The following RAD51C variants were observed in gnomAD, a reference collection of about 807,000 sequenced individuals.
RAD51C encodes RAD51 paralog C.
RAD51C carries 42 observed loss-of-function variants against 45.0 expected under a neutral mutation model. The ratio of observed to expected loss-of-function variants is 0.93; its 90% confidence interval spans 0.73 to 1.21. The LOEUF is 1.21. Among genes scored for constraint, RAD51C ranks in the 50% most tolerant of loss-of-function variants. RAD51C has a pLI of 0.00. For missense variants in RAD51C, 474 were observed against 452.2 expected, an observed-to-expected ratio of 1.05 and a Z score of -0.44; for synonymous variants, 172 against 159.8, an observed-to-expected ratio of 1.08 and a Z score of -0.58.
At chr17:58,723,538 C>G (rs2143953728) in intron 6 of RAD51C, among the ~76,000 whole-genome samples, 1 of 151,826 alleles carries the variant, frequency 6.6e-6, no homozygotes, top group Non-Finnish European at 1.5e-5. Flanking sequence ...CTGTGTATCC[C>G]TAATAGTTGC....
chr17:58,699,030 G>A (rs1325742969), intron 3 of RAD51C, among the ~76,000 whole-genome samples: 1 of 151,770 alleles, frequency 6.6e-6, no homozygotes, highest in East Asian at 1.9e-4. Flanking sequence ...ATTTTAAGAT[G>A]GAGTTGCGCT....
rs186747234 is a variant in RAD51C at position 58,722,867 on chromosome 17, A to G, written c.905-1173A>G. On this transcript the variant is annotated intron_variant, in intron 6 of 8. Coordinates refer to ENST00000337432, the MANE Select transcript of RAD51C (RefSeq NM_058216.3). The stretch of plus-strand genomic sequence containing the variant: ...TGCTGTGTCTGTTCTTTGGTCTTCT[A>G]TTGCTGTGTCTCAGCTTTAGATTAT... Among the ~76,000 whole-genome samples the G allele has an allele frequency of 3.9e-5, 6 of 152,240 alleles. No homozygotes were observed. The East Asian group carries it at 9.6e-4, about 24-fold the overall frequency.
Position 58,734,362 on chromosome 17 carries a change from A to G in RAD51C, c.*140A>G. ...ATCATATGAAGTGAATGGGAAAAAT[A>G]CCTAAATATGATTCTGTGAAAGTTT... On this transcript the variant is annotated 3_prime_UTR_variant, in exon 9 of 9. Transcript: ENST00000337432. 1 of 1,405,844 alleles carries G rather than the reference A, an allele frequency of 7.1e-7. No homozygotes were observed. The highest frequency in any genetic ancestry group is 9.6e-7 in the Non-Finnish European group (1 of 1,042,088). The allele number at this position is 1,405,844 out of a possible 1,614,324, so 87.1% of individuals were successfully genotyped here.
intron 5 of RAD51C, among the ~76,000 whole-genome samples, chr17:58,720,012 G>A (rs929780906): frequency 1.3e-5 from 2 of 149,292 alleles, no homozygotes; most frequent in African/African-American, 2.5e-5. Flanking sequence ...TCCTGACCTC[G>A]TGATTCGCCC....
At chr17:58,718,691 T>G (rs1385643333) in intron 5 of RAD51C, among the ~76,000 whole-genome samples, 1 of 152,004 alleles carries the variant, frequency 6.6e-6, no homozygotes, top group Non-Finnish European at 1.5e-5. Flanking sequence ...TAATTTGGAG[T>G]CATTTGACCT....
At chr17:58,710,404 A>G (rs1051373531) in intron 5 of RAD51C, among the ~76,000 whole-genome samples, 1 of 147,068 alleles carries the variant, frequency 6.8e-6, no homozygotes, top group Non-Finnish European at 1.5e-5. Context: ...AGGCTGAGGT[A>G]GGAGAATCAC....
intron 4 of RAD51C, among the ~76,000 whole-genome samples, chr17:58,705,331 T>G (rs1411731580): frequency 6.7e-6 from 1 of 149,346 alleles, no homozygotes; most frequent in Non-Finnish European, 1.5e-5. Context: ...TCCCTGGTGT[T>G]TTTTCTTTTT....
At chr17:58,718,886 T>C (rs1400823054) in intron 5 of RAD51C, among the ~76,000 whole-genome samples, 1 of 152,156 alleles carries the variant, frequency 6.6e-6, no homozygotes, top group Non-Finnish European at 1.5e-5. Context: ...GGATTTCATA[T>C]TCCTTTCAAT....
At chr17:58,696,670 G>GT in intron 2 of RAD51C, 23 bp from the exon 3 acceptor site, 1 of 1,614,058 alleles carries the variant, frequency 6.2e-7, no homozygotes, top group Admixed American at 1.7e-5. Context: ...TGATTTGGTT[G>GT]TTTGTCATCT....
chr17:58,727,535 T>A (rs2049215500), intron 7 of RAD51C, among the ~76,000 whole-genome samples: 1 of 152,224 alleles, frequency 6.6e-6, no homozygotes, highest in South Asian at 2.1e-4. Flanking sequence ...TTACTCCTTT[T>A]TTTAGGTAAA....
intron 7 of RAD51C, among the ~76,000 whole-genome samples, chr17:58,730,709 AC>A (rs2049387083): frequency 6.6e-6 from 1 of 152,116 alleles, no homozygotes; most frequent in South Asian, 2.1e-4. Flanking sequence ...TAAGTAAATG[AC>A]CCTTATAACT....
chr17:58,696,731 T>C lies in RAD51C; in HGVS notation c.443T>C (p.Phe148Ser), dbSNP rs864622580. ...GTAGATGTGCAGATACCAGAATGTT[T>C]TGGAGGAGTGGCAGGTGAAGCAGTT... is the stretch of plus-strand genomic sequence containing the variant. The part of the protein sequence containing the change: ...LAVDVQIPEC[F>S]GGVAGEAVFI... Residue 148 changes from phenylalanine (F) to serine (S), a missense_variant, in exon 3 of 9, where the codon TTT becomes TCT. By Grantham distance (155) the Phe-to-Ser change is radical. Transcript: ENST00000337432. 6.2e-7 allele frequency: 1 copy of C among 1,614,186 alleles called. No individual in the cohort carries two copies.
chr17:58,709,810 ATTATT>A (rs1567799328), intron 4 of RAD51C, 44 bp from the exon 5 acceptor site: 12 of 1,519,542 alleles, frequency 7.9e-6, no homozygotes, highest in Non-Finnish European at 1.1e-5. Flanking sequence ...TTTTATTATT[ATTATT>A]TTATTTTTCG....
At position 58,730,331 on chromosome 17, in the gene RAD51C, A is replaced by ATT. The variant is rs374899142; in HGVS notation, c.966-2136_966-2135dup. Among the ~76,000 whole-genome samples, 406 of 135,042 alleles carry ATT rather than the reference A, an allele frequency of 3.0e-3. 5 individuals carry two copies. The highest frequency in any genetic ancestry group is 9.9e-3 in the African/African-American group (362 of 36,574). 88.6% of individuals were successfully genotyped at this position (135,042 alleles called of 152,430 possible). Reference sequence around the variant, plus strand: ...AGGTGCGTGCCACCACGCCCAGCTAATTTTTTTTTTTTTTTTTTGTATCTT... The same window carrying ATT: ...AGGTGCGTGCCACCACGCCCAGCTAATTTTTTTTTTTTTTTTTTTTGTATCTT... On this transcript the variant is annotated intron_variant, in intron 7 of 8. Transcript: ENST00000337432.
Position 58,696,866 on chromosome 17 carries a change from T to C in RAD51C, c.571+7T>C, listed in dbSNP as rs1024076621. 1 of 1,613,806 alleles carries C rather than the reference T, an allele frequency of 6.2e-7. No homozygotes were observed. Among genetic ancestry groups the C allele is most frequent in the Non-Finnish European group, 8.5e-7 (1 of 1,179,674 alleles). On this transcript the variant is annotated splice_region_variant and intron_variant, in intron 3 of 8. Coordinates refer to ENST00000337432, the MANE Select transcript of RAD51C (RefSeq NM_058216.3). ...GAAAAACACAAGGGAGAGGGTAAGT[T>C]AGTAAATGATCTTCTTTTTTTCTGT...
At position 58,734,180 on chromosome 17, in the gene RAD51C, G is replaced by A. The variant is rs559647198; in HGVS notation, c.1089G>A (p.Leu363=). ...GTTCATTGCAAACAGAAGGTTCCTT[G>A]AGCACCCGGAAACGGTCACGAGACC... is the stretch of plus-strand genomic sequence containing the variant. ...SACSLQTEGS[L]STRKRSRDPE... The change falls in exon 9 of 9, where the codon TTG becomes TTA. Residue 363 remains leucine, a synonymous_variant. Transcript: ENST00000337432. 23 of 1,613,470 alleles carry A rather than the reference G, an allele frequency of 1.4e-5. No individual in the cohort carries two copies. The East Asian group carries it at 4.9e-4, about 34-fold the overall frequency.
At position 58,703,272 on chromosome 17, in the gene RAD51C, C is replaced by T. The variant is rs750060665; in HGVS notation, c.648C>T (p.Tyr216=). Residue 216 remains tyrosine (Y), a synonymous_variant, in exon 4 of 9, where the codon TAC becomes TAT. Transcript: ENST00000337432. ...TTTATTATTTTCGCTGTCGTGACTA[C>T]ACAGAGTTACTGGCACAAGTTTATC... is the stretch of plus-strand genomic sequence containing the variant. ...SHIYYFRCRD[Y]TELLAQVYLL... is the part of the protein sequence containing the mutation. The T allele has an allele frequency of 6.2e-7, 1 of 1,609,618 alleles. No individual in the cohort carries two copies. The highest frequency in any genetic ancestry group is 1.1e-5 in the South Asian group (1 of 90,990).
At chr17:58,705,652 G>A (rs1335430760) in intron 4 of RAD51C, among the ~76,000 whole-genome samples, 1 of 151,872 alleles carries the variant, frequency 6.6e-6, no homozygotes, top group Non-Finnish European at 1.5e-5. Context: ...CTTCTTACAA[G>A]GACGCTAATC....
At chr17:58,711,813 C>G (rs2048566537) in intron 5 of RAD51C, among the ~76,000 whole-genome samples, 1 of 152,102 alleles carries the variant, frequency 6.6e-6, no homozygotes, top group Non-Finnish European at 1.5e-5. Context: ...GTTAGGGACA[C>G]ACTTTCCCTC....
Sources: gnomAD v4.1 joint callset for allele counts (sites outside exome capture counted in the v4.1 genomes callset) on GRCh38, gnomAD v4.1.1 for gene constraint, MANE v1.5 for transcripts, NCBI Gene and HGNC (gene_info 2026-07-23, HGNC 2026-07-21) for gene names.